Variants in ZNF503 observed in about 807,000 individuals in gnomAD.
The protein encoded by ZNF503 is NocA-like zinc finger 2.
In ZNF503, 15 loss-of-function variants were observed where a neutral mutation model predicts 34.4. The ratio of observed to expected loss-of-function variants is 0.44; its 90% CI spans 0.29 to 0.67. The LOEUF (loss-of-function observed/expected upper bound fraction) is 0.67, where lower values mean the gene tolerates loss of function less well. Among genes scored for constraint, ZNF503 ranks in the 30% least tolerant of loss-of-function variants. The probability of loss-of-function intolerance (pLI) is 0.13; values close to 1 mark genes in which losing one functional copy is unlikely to be tolerated. For synonymous variants in ZNF503, 580 were observed against 456.8 expected, an observed-to-expected ratio of 1.27 and a Z score of -3.44; for missense variants, 1,007 against 926.8, an observed-to-expected ratio of 1.09 and a Z score of -1.12.
At chr10:75,323,526 C>T in the ZNF503 span, among the ~76,000 whole-genome samples, 2 of 152,174 alleles carry the variant, frequency 1.3e-5, no homozygotes, top group Non-Finnish European at 2.9e-5. Context: ...AATTGCTCCA[C>T]ACTTTGGTAG....
chr10:75,356,904 G>A, the ZNF503 span, among the ~76,000 whole-genome samples: 453 of 152,252 alleles, frequency 3.0e-3, 3 homozygotes, highest in African/African-American at 0.01. Context: ...CAAGGTGTAG[G>A]CGTGTCGAAC....
Position 75,399,469 on chromosome 10 carries a change from C to T in ZNF503, c.1221G>A (p.Pro407=). 3.2e-6 allele frequency: 5 copies of T among 1,581,510 alleles called. No individual in the cohort carries two copies. The highest frequency in any genetic ancestry group is 4.3e-6 in the Non-Finnish European group (5 of 1,170,324). ...AAAGSLGCSK[P]AGSSPLAGAS... ...CTCCGGCCAAAGGGCTGGAGCCGGCCGGCTTACTGCAGCCCAGAGACCCGG... is the reference window on the plus strand; with the variant it reads ...CTCCGGCCAAAGGGCTGGAGCCGGCTGGCTTACTGCAGCCCAGAGACCCGG... The change falls in exon 2 of 2, where the codon CCG becomes CCA. Residue 407 remains proline (P), a synonymous_variant. Transcript: ENST00000372524.
chr10:75,335,875 G>A, the ZNF503 span, among the ~76,000 whole-genome samples: 1 of 151,992 alleles, frequency 6.6e-6, no homozygotes, highest in African/African-American at 2.4e-5. Flanking sequence ...GTGTTCTTTT[G>A]TTTTCTGTTC....
chr10:75,312,764 CT>C, the ZNF503 span, among the ~76,000 whole-genome samples: 1 of 151,948 alleles, frequency 6.6e-6, no homozygotes, highest in Non-Finnish European at 1.5e-5. Context: ...AAAACATCAC[CT>C]TAACTATATG....
the ZNF503 span, among the ~76,000 whole-genome samples, chr10:75,389,272 A>C: frequency 6.6e-6 from 1 of 152,118 alleles, no homozygotes. Flanking sequence ...TCACATTCAT[A>C]CTCAGTGCCC....
At chr10:75,384,701 G>C in the ZNF503 span, among the ~76,000 whole-genome samples, 4 of 152,154 alleles carry the variant, frequency 2.6e-5, no homozygotes, top group African/African-American at 9.6e-5. Flanking sequence ...CCTCCCCAAA[G>C]CCCCCACCTG....
chr10:75,281,012 G>A, the ZNF503 span, among the ~76,000 whole-genome samples: 1 of 152,140 alleles, frequency 6.6e-6, no homozygotes, highest in Non-Finnish European at 1.5e-5. Flanking sequence ...AGCTGGAGGA[G>A]AGGAGGCTGG....
At chr10:75,308,086 C>G in the ZNF503 span, among the ~76,000 whole-genome samples, 19 of 151,820 alleles carry the variant, frequency 1.3e-4, no homozygotes, top group South Asian at 3.7e-3. Context: ...TGTCTTTAAA[C>G]AAAGGAGTTA....
At chr10:75,340,007 G>A in the ZNF503 span, among the ~76,000 whole-genome samples, 1 of 152,006 alleles carries the variant, frequency 6.6e-6, no homozygotes, top group African/African-American at 2.4e-5. Flanking sequence ...TTGAGCCCAG[G>A]AGTTTGAGAC....
At chr10:75,345,850 C>T in the ZNF503 span, among the ~76,000 whole-genome samples, 4 of 152,114 alleles carry the variant, frequency 2.6e-5, no homozygotes, top group East Asian at 5.8e-4. Flanking sequence ...AATGGCTGCA[C>T]ATAGGAGTGT....
chr10:75,399,304 C>G lies in ZNF503; in HGVS notation c.1386G>C (p.Leu462=), dbSNP rs1041113726. Residue 462 remains leucine (L), a synonymous_variant, in exon 2 of 2, where the codon CTG becomes CTC. Transcript: ENST00000372524. Reference sequence around the variant, plus strand: ...GGTACACCAGCGGGTATCCGGACTTCAGCGCCGCAGCCGCAGCAGCCGGAT... The same window carrying G: ...GGTACACCAGCGGGTATCCGGACTTGAGCGCCGCAGCCGCAGCAGCCGGAT... ...AHDPAAAAAA[L]KSGYPLVYPT... is the part of the protein sequence containing the mutation. 6.2e-7 allele frequency: 1 copy of G among 1,601,796 alleles called. No homozygotes were observed. Among genetic ancestry groups the G allele is most frequent in the Non-Finnish European group, 8.5e-7 (1 of 1,175,908 alleles).
chr10:75,323,236 G>A, the ZNF503 span, among the ~76,000 whole-genome samples: 1 of 152,112 alleles, frequency 6.6e-6, no homozygotes, highest in African/African-American at 2.4e-5. Context: ...TTAATTGTAT[G>A]GTTGCACTAT....
At chr10:75,300,775 G>A in the ZNF503 span, among the ~76,000 whole-genome samples, 6 of 140,502 alleles carry the variant, frequency 4.3e-5, no homozygotes, top group Non-Finnish European at 9.0e-5. Context: ...GTGCGGTCTC[G>A]GTTCACTGCA....
In ZNF503 at chr10:75,399,455, G is replaced by A; in HGVS notation, c.1235C>T (p.Pro412Leu). ...LGCSKPAGSS[P>L]LAGASPPSVM... ...GGACGGCGGAGACGCTCCGGCCAAAGGGCTGGAGCCGGCCGGCTTACTGCA... is the reference window on the plus strand; with the variant it reads ...GGACGGCGGAGACGCTCCGGCCAAAAGGCTGGAGCCGGCCGGCTTACTGCA... The change falls in exon 2 of 2, where the codon CCT becomes CTT. Residue 412 changes from proline to leucine, a missense_variant. Coordinates refer to ENST00000372524, the MANE Select transcript of ZNF503 (RefSeq NM_032772.6). The A allele has an allele frequency of 1.9e-6, 3 of 1,589,538 alleles. No homozygotes were observed. The highest frequency in any genetic ancestry group is 2.3e-5 in the East Asian group (1 of 44,158).
At position 75,401,313 on chromosome 10, in the gene ZNF503, A is replaced by G. The variant is rs770592586; in HGVS notation, c.107T>C (p.Leu36Pro). The stretch of plus-strand genomic sequence containing the variant: ...GCCGGGGCCGGAGCTATTTCCAGAG[A>G]GCGCGCTGGTCCAGGCAGGGTCTGC... ...GGADPAWTSA[L>P]SGNSSGPGPG... The change falls in exon 1 of 2, where the codon CTC becomes CCC. Residue 36 changes from leucine (L) to proline (P), a missense_variant. Leu to Pro is a moderately conservative substitution (Grantham distance 98). Transcript: ENST00000372524. 5.2e-6 allele frequency: 8 copies of G among 1,549,852 alleles called. No individual in the cohort carries two copies. The highest frequency in any genetic ancestry group is 7.0e-6 in the Non-Finnish European group (8 of 1,150,912).
chr10:75,328,572 G>C, the ZNF503 span, among the ~76,000 whole-genome samples: 6 of 151,744 alleles, frequency 4.0e-5, no homozygotes, highest in Admixed American at 3.9e-4. Context: ...GATTGTTTTG[G>C]CTATTTGGGG....
the ZNF503 span, among the ~76,000 whole-genome samples, chr10:75,369,482 T>G: frequency 6.6e-6 from 1 of 152,162 alleles, no homozygotes; most frequent in African/African-American, 2.4e-5. Context: ...CACTTCTCCT[T>G]CCTGCCATTA....
rs1470336181 is a variant in ZNF503, at chr10:75,401,533, C to T, written c.-114G>A. The T allele has an allele frequency of 1.5e-6, 2 of 1,336,728 alleles. No individual in the cohort carries two copies. The highest frequency in any genetic ancestry group is 1.0e-6 in the Non-Finnish European group (1 of 996,060). The allele number at this position is 1,336,728 out of a possible 1,614,324, so 82.8% of individuals were successfully genotyped here. ...GAGCAGCGGGAGGAGGAGGAGCTGG[C>T]GCGGCGGCCACGGGCGCCCAGCGCG... On this transcript the variant is annotated 5_prime_UTR_variant, in exon 1 of 2. Coordinates refer to ENST00000372524, the MANE Select transcript of ZNF503 (RefSeq NM_032772.6).
downstream of ZNF503, among the ~76,000 whole-genome samples, chr10:75,395,563 G>A (rs957965636): frequency 9.2e-5 from 14 of 152,278 alleles, no homozygotes; most frequent in African/African-American, 3.4e-4. This position sits in a 1 kb window ranked among gnomAD's most constrained non-coding sequence, Gnocchi z 4.4. Flanking sequence ...CGGCTGTTCG[G>A]GAAAAAGCTG....
Sources: gnomAD v4.1 joint callset for allele counts (sites outside exome capture counted in the v4.1 genomes callset) on GRCh38, gnomAD v4.1.1 for gene constraint, Gnocchi (gnomAD v3.1) non-coding constraint, MANE v1.5 for transcripts, NCBI Gene and HGNC (gene_info 2026-07-23, HGNC 2026-07-21) for gene names.